Variants in GABRG3 observed in about 807,000 individuals in gnomAD.
The protein encoded by GABRG3 is gamma-aminobutyric acid receptor subunit gamma-3.
Under a neutral mutation model 48.8 loss-of-function variants are expected in GABRG3, and 25 were observed. That is an observed-to-expected ratio of 0.51 (90% CI 0.37 to 0.72). The LOEUF (loss-of-function observed/expected upper bound fraction) is 0.72, where lower values mean the gene tolerates loss of function less well. GABRG3 is among the 30% of genes least tolerant of loss of function. The pLI is 0.00. For synonymous variants in GABRG3, 227 were observed against 217.6 expected, an observed-to-expected ratio of 1.04 and a Z score of -0.38; for missense variants, 394 against 577.9, an observed-to-expected ratio of 0.68 and a Z score of 3.26.
chr15:27,069,220 C>T (rs1595504883), intron 3 of GABRG3, among the ~76,000 whole-genome samples: 3 of 152,300 alleles, frequency 2.0e-5, no homozygotes, highest in Admixed American at 2.0e-4. Context: ...ATGAGTAATA[C>T]TTCCAGGGTT....
At chr15:27,363,368 A>G (rs764176715) in intron 5 of GABRG3, 3 of 152,198 alleles carry the variant, frequency 2.0e-5, no homozygotes, top group Non-Finnish European at 4.4e-5. Context: ...GGCCACAGGA[A>G]TCATGAAAAT....
chr15:27,469,860 C>G (rs1315278315), intron 5 of GABRG3, among the ~76,000 whole-genome samples: 1 of 152,196 alleles, frequency 6.6e-6, no homozygotes, highest in Admixed American at 6.5e-5. Context: ...ATATCATAGG[C>G]AGCCCTGTAT....
intron 3 of GABRG3, among the ~76,000 whole-genome samples, chr15:27,297,437 T>C (rs1892033755): frequency 6.6e-6 from 1 of 152,184 alleles, no homozygotes; most frequent in Non-Finnish European, 1.5e-5. Context: ...AAATGACCTA[T>C]ACAGGTGTAG....
intron 3 of GABRG3, among the ~76,000 whole-genome samples, chr15:27,263,400 T>TC (rs1890821710): frequency 6.6e-6 from 1 of 152,098 alleles, no homozygotes; most frequent in African/African-American, 2.4e-5. Context: ...CTCTAGCTGT[T>TC]CCTTCTATGA....
chr15:27,214,197 G>A (rs898789763), intron 3 of GABRG3, among the ~76,000 whole-genome samples: 6 of 152,150 alleles, frequency 3.9e-5, no homozygotes, highest in Non-Finnish European at 8.8e-5. Flanking sequence ...TGTTAAACAG[G>A]TGGGGGTTGC....
At chr15:27,043,627 G>T (rs1454173311) in intron 3 of GABRG3, among the ~76,000 whole-genome samples, 1 of 152,122 alleles carries the variant, frequency 6.6e-6, no homozygotes, top group Non-Finnish European at 1.5e-5. Flanking sequence ...TCAGCTCGCT[G>T]GAACACTCAT....
At chr15:27,013,065 AT>A (rs1802256056) in intron 2 of GABRG3, among the ~76,000 whole-genome samples, 1 of 152,132 alleles carries the variant, frequency 6.6e-6, no homozygotes, top group African/African-American at 2.4e-5. Context: ...AAAATAAAAT[AT>A]TTTGTAGTAG....
chr15:27,324,196 G>A (rs1483038040), intron 3 of GABRG3, among the ~76,000 whole-genome samples: 1 of 152,146 alleles, frequency 6.6e-6, no homozygotes, highest in Admixed American at 6.5e-5. Context: ...ACCTTGTTCC[G>A]GCCCAAGGTC....
chr15:27,224,754 A>G (rs897173), intron 3 of GABRG3, among the ~76,000 whole-genome samples: 49,892 of 152,194 alleles, frequency 0.33, 10,758 homozygotes, highest in African/African-American at 0.6. Flanking sequence ...CTGCAATGAA[A>G]CTTTCTTGCA....
At chr15:27,375,043 G>A (rs1895548765) in intron 5 of GABRG3, among the ~76,000 whole-genome samples, 1 of 152,118 alleles carries the variant, frequency 6.6e-6, no homozygotes, top group Admixed American at 6.6e-5. Context: ...ATAATTTTGG[G>A]GGGGTGGGTA....
rs76396746 is a variant in GABRG3 at position 27,396,957 on chromosome 15, G to T, written c.574+68069G>T. 8.4e-3 allele frequency among the ~76,000 whole-genome samples: 1,273 copies of T among 152,234 alleles called. 22 individuals are homozygous for T. Among genetic ancestry groups the T allele is most frequent in the African/African-American group, 0.029 (1,192 of 41,532 alleles). Reference sequence around the variant, plus strand: ...ACCTGGGGCTGGAAAATGGGGAGGGGTATTATCAATGAAGAGGTAGCATGG... The same window carrying T: ...ACCTGGGGCTGGAAAATGGGGAGGGTTATTATCAATGAAGAGGTAGCATGG... On this transcript the variant is annotated intron_variant, in intron 5 of 9. Coordinates refer to ENST00000615808, the MANE Select transcript of GABRG3 (RefSeq NM_033223.5).
intron 5 of GABRG3, among the ~76,000 whole-genome samples, chr15:27,434,069 G>C (rs903816436): frequency 2.6e-5 from 4 of 152,148 alleles, no homozygotes; most frequent in Non-Finnish European, 5.9e-5. Flanking sequence ...TCTGACCCAG[G>C]AAATACATTT....
At chr15:27,313,662 AC>A (rs1465229371) in intron 3 of GABRG3, among the ~76,000 whole-genome samples, 1 of 152,058 alleles carries the variant, frequency 6.6e-6, no homozygotes, top group Non-Finnish European at 1.5e-5. Flanking sequence ...AAATGAAGTG[AC>A]ATCAGTAGCA....
chr15:27,063,873 G>A (rs1173338320), intron 3 of GABRG3, among the ~76,000 whole-genome samples: 1 of 152,092 alleles, frequency 6.6e-6, no homozygotes, highest in Non-Finnish European at 1.5e-5. Context: ...CTGACCACCC[G>A]GCCTGCTCAC....
At chr15:27,146,762 G>A (rs1194547463) in intron 3 of GABRG3, among the ~76,000 whole-genome samples, 1 of 151,596 alleles carries the variant, frequency 6.6e-6, no homozygotes, top group Non-Finnish European at 1.5e-5. Context: ...TAATTCCTAG[G>A]GTAGCAACTA....
chr15:26,991,928 G>C (rs1895257080), intron 2 of GABRG3, among the ~76,000 whole-genome samples: 1 of 152,092 alleles, frequency 6.6e-6, no homozygotes, highest in Admixed American at 6.6e-5. Flanking sequence ...CACCGTGTTA[G>C]CCAGGATGGT....
At chr15:27,160,498 CTCTTTTA>C (rs1887138822) in intron 3 of GABRG3, among the ~76,000 whole-genome samples, 2 of 151,968 alleles carry the variant, frequency 1.3e-5, no homozygotes, top group African/African-American at 4.8e-5. Context: ...TATTACTTTT[CTCTTTTA>C]TAAGACTTCT....
chr15:27,197,611 G>GT (rs758137228), intron 3 of GABRG3, among the ~76,000 whole-genome samples: 58 of 151,674 alleles, frequency 3.8e-4, no homozygotes, highest in African/African-American at 1.0e-3. Context: ...TTGCACGTGC[G>GT]TTTTTTTTGT....
chr15:27,119,254 C>T (rs551305437), intron 3 of GABRG3, among the ~76,000 whole-genome samples: 24 of 152,294 alleles, frequency 1.6e-4, no homozygotes, highest in African/African-American at 5.3e-4. Flanking sequence ...TAAACATATG[C>T]CATTTTCCCT....
Sources: allele counts gnomAD v4.1 joint callset (sites outside exome capture counted in the v4.1 genomes callset), GRCh38; gene constraint gnomAD v4.1.1; transcripts MANE v1.5; gene names NCBI Gene and HGNC (gene_info 2026-07-23, HGNC 2026-07-21).